The following PCDHGA2 variants were observed in gnomAD, a reference collection of about 807,000 sequenced individuals.
PCDHGA2 encodes protocadherin gamma-A2.
In PCDHGA2, 40 loss-of-function variants were observed where a neutral mutation model predicts 59.2. The observed-to-expected ratio is 0.68, with a 90% CI of 0.52 to 0.88. The LOEUF is 0.88. PCDHGA2 is among the 40% of genes least tolerant of loss of function. The probability of loss-of-function intolerance (pLI) is 0.00; values close to 1 mark genes in which losing one functional copy is unlikely to be tolerated. For missense variants in PCDHGA2, 1,226 were observed against 1,204.0 expected, an observed-to-expected ratio of 1.02 and a Z score of -0.27; for synonymous variants, 560 against 526.0, an observed-to-expected ratio of 1.06 and a Z score of -0.89.
intron 1 of PCDHGA2, chr5:141,399,397 G>C: frequency 1.2e-6 from 2 of 1,613,940 alleles, no homozygotes; most frequent in Non-Finnish European, 8.5e-7. Context: ...CACAGACAGG[G>C]GCAAGCCGCC....
At chr5:141,422,464 A>G (rs1303001624) in intron 1 of PCDHGA2, 1 of 1,613,502 alleles carries the variant, frequency 6.2e-7, no homozygotes, top group Admixed American at 1.7e-5. Context: ...AGTGCTGGAC[A>G]GGGAGTTGGT....
rs771398829 is a variant in PCDHGA2, at chr5:141,421,251, G to A, written c.2425-73556G>A. ...CCATGGCGAATCGGCTACAGCGCGG[G>A]GACCGCAGTCGGCTGCTGCTGCTGC... On this transcript the variant is annotated intron_variant, in intron 1 of 3. Transcript: ENST00000394576. 17 of 1,606,770 alleles carry A rather than the reference G, an allele frequency of 1.1e-5. No homozygotes were observed. The East Asian group carries it at 3.1e-4, about 30-fold the overall frequency.
chr5:141,496,621 CA>C (rs2099769988), intron 2 of PCDHGA2, among the ~76,000 whole-genome samples: 1 of 152,332 alleles, frequency 6.6e-6, no homozygotes, highest in Non-Finnish European at 1.5e-5. Flanking sequence ...AGCAGCAGAT[CA>C]AAAGGCTTGG....
At chr5:141,381,947 A>G (rs957045552) in intron 1 of PCDHGA2, among the ~76,000 whole-genome samples, 2 of 146,392 alleles carry the variant, frequency 1.4e-5, no homozygotes, top group Non-Finnish European at 3.0e-5. Flanking sequence ...TTCCTGCCTC[A>G]GCCTCCTGAG....
intron 1 of PCDHGA2, chr5:141,478,165 C>A: frequency 1.2e-6 from 2 of 1,614,038 alleles, no homozygotes; most frequent in Non-Finnish European, 1.7e-6. Context: ...GCTCTGCCCC[C>A]CGGGAGCAGA....
chr5:141,444,237 T>G (rs1315900009), intron 1 of PCDHGA2, among the ~76,000 whole-genome samples: 1 of 137,132 alleles, frequency 7.3e-6, no homozygotes, highest in Admixed American at 8.0e-5. Flanking sequence ...AATGGCATGC[T>G]CTCGGCTCAC....
At chr5:141,371,103 G>A in intron 1 of PCDHGA2, 1 of 1,613,826 alleles carries the variant, frequency 6.2e-7, no homozygotes, top group South Asian at 1.1e-5. Context: ...AGATGCAAAT[G>A]ATAACCCCCC....
chr5:141,444,588 A>G (rs1486905298), intron 1 of PCDHGA2, among the ~76,000 whole-genome samples: 1 of 152,138 alleles, frequency 6.6e-6, no homozygotes, highest in Non-Finnish European at 1.5e-5. Flanking sequence ...CTTTCTACTT[A>G]CCTTATTTAA....
chr5:141,374,959 C>T, intron 1 of PCDHGA2: 1 of 1,614,014 alleles, frequency 6.2e-7, no homozygotes, highest in Non-Finnish European at 8.5e-7. Context: ...CACAAATTTT[C>T]TGTTTGAATG....
intron 1 of PCDHGA2, chr5:141,341,865 G>A (rs1006777497): frequency 5.9e-6 from 1 of 170,894 alleles, no homozygotes; most frequent in Non-Finnish European, 1.2e-5. Flanking sequence ...TTCTCATTCA[G>A]TCTTAATACA....
rs193144866 is a variant in PCDHGA2 at position 141,382,042 on chromosome 5, T to C, written c.2424+40647T>C. ...CGGGGTTTCTCCATGTTGGTCAGGC[T>C]GGTCTCAAGCTCCCGACCTCAGGTG... On this transcript the variant is annotated intron_variant, in intron 1 of 3. Coordinates refer to ENST00000394576, the MANE Select transcript of PCDHGA2 (RefSeq NM_018915.4). 9.8e-3 allele frequency among the ~76,000 whole-genome samples: 1,492 copies of C among 152,104 alleles called. 23 individuals carry two copies. Among genetic ancestry groups the C allele is most frequent in the African/African-American group, 0.034 (1,390 of 41,456 alleles).
chr5:141,383,219 A>G (rs1333678455), intron 1 of PCDHGA2: 2 of 1,614,000 alleles, frequency 1.2e-6, no homozygotes, highest in Admixed American at 3.3e-5. Context: ...GTAAACTTTA[A>G]CATCCTGATG....
intron 1 of PCDHGA2, chr5:141,371,497 T>C: frequency 1.2e-6 from 2 of 1,613,908 alleles, no homozygotes; most frequent in South Asian, 2.2e-5. Context: ...GCCGTTGCCC[T>C]GATCAAAACA....
rs1342473418 is a variant in PCDHGA2, at chr5:141,477,702, A to G, written c.2425-17105A>G. On this transcript the variant is annotated intron_variant, in intron 1 of 3. Transcript: ENST00000394576. The surrounding 1 kb of genome is among the most constrained non-coding windows in gnomAD (Gnocchi z 4.9). Reference sequence around the variant, plus strand: ...TCCTTAGTGCCCCTAGACTATGAGGATCGGCGGGAATTTGAATTAACAGCT... The same window carrying G: ...TCCTTAGTGCCCCTAGACTATGAGGGTCGGCGGGAATTTGAATTAACAGCT... The G allele has an allele frequency of 1.9e-6, 3 of 1,613,924 alleles. No individual in the cohort carries two copies. Among genetic ancestry groups the G allele is most frequent in the Non-Finnish European group, 2.5e-6 (3 of 1,180,044 alleles).
At chr5:141,394,692 C>T (rs1356120664) in intron 1 of PCDHGA2, 1 of 1,613,028 alleles carries the variant, frequency 6.2e-7, no homozygotes, top group Non-Finnish European at 8.5e-7. Context: ...GGGCGAGGTG[C>T]GCACGGCGCG....
At chr5:141,379,275 A>C (rs1248743398) in intron 1 of PCDHGA2, 3 of 152,194 alleles carry the variant, frequency 2.0e-5, no homozygotes, top group African/African-American at 7.2e-5. Flanking sequence ...TTATAGATTT[A>C]TTTATTTCAA....
Position 141,340,291 on chromosome 5 carries a change from C to T in PCDHGA2, c.1320C>T (p.Leu440=), listed in dbSNP as rs1392893091. 1 of 1,614,172 alleles carries T rather than the reference C, an allele frequency of 6.2e-7. No individual in the cohort carries two copies. The highest frequency in any genetic ancestry group is 2.2e-5 in the East Asian group (1 of 44,874). ...TGTCCACGGATGCTCACATTTTGCTCCAGGTGGCAGACATCAACGACAACG... is the reference window on the plus strand; with the variant it reads ...TGTCCACGGATGCTCACATTTTGCTTCAGGTGGCAGACATCAACGACAACG... ...PSLSTDAHIL[L]QVADINDNAP... The change falls in exon 1 of 4, where the codon CTC becomes CTT. Residue 440 remains leucine, a synonymous_variant. Coordinates refer to ENST00000394576, the MANE Select transcript of PCDHGA2 (RefSeq NM_018915.4).
At chr5:141,372,302 G>C in intron 1 of PCDHGA2, 1 of 1,613,340 alleles carries the variant, frequency 6.2e-7, no homozygotes, top group Non-Finnish European at 8.5e-7. Flanking sequence ...GCGACAGGGA[G>C]GCCGCCCGCC....
chr5:141,464,578 A>G (rs2099086989), intron 1 of PCDHGA2, among the ~76,000 whole-genome samples: 1 of 152,164 alleles, frequency 6.6e-6, no homozygotes, highest in Non-Finnish European at 1.5e-5. Flanking sequence ...ATAGATGAGA[A>G]TGTCCATTGT....
Sources: allele counts gnomAD v4.1 joint callset (sites outside exome capture counted in the v4.1 genomes callset), GRCh38; gene constraint gnomAD v4.1.1; non-coding constraint Gnocchi (gnomAD v3.1); transcripts MANE v1.5; gene names NCBI Gene and HGNC (gene_info 2026-07-23, HGNC 2026-07-21).